Variants in ZFPM2 observed in about 807,000 individuals in gnomAD.
The protein encoded by ZFPM2 is zinc finger protein, FOG family member 2.
A neutral mutation model predicts 98.6 loss-of-function variants in ZFPM2; 20 were observed. The observed-to-expected ratio is 0.20, with a 90% CI of 0.14 to 0.29. The LOEUF (loss-of-function observed/expected upper bound fraction) is 0.29, where lower values mean the gene tolerates loss of function less well. Ranked by LOEUF, ZFPM2 falls within the 10% of genes least tolerant of loss-of-function variation. The pLI is 1.00. For missense variants in ZFPM2, 1,310 were observed against 1,388.6 expected (o/e 0.94, Z 0.90); for synonymous variants, 518 against 502.7 (o/e 1.03, Z -0.41).
At chr8:105,501,118 T>G (rs1813584905) in intron 3 of ZFPM2, among the ~76,000 whole-genome samples, 1 of 152,174 alleles carries the variant, frequency 6.6e-6, no homozygotes, top group Non-Finnish European at 1.5e-5. Flanking sequence ...CCTATTTCTT[T>G]TGAAAGGTGT....
At chr8:105,690,586 G>C (rs1810854812) in intron 5 of ZFPM2, among the ~76,000 whole-genome samples, 1 of 152,088 alleles carries the variant, frequency 6.6e-6, no homozygotes, top group Non-Finnish European at 1.5e-5. Context: ...TCCTTTGGTG[G>C]CAGCTCAGGT....
chr8:105,686,247 T>G (rs1372750451), intron 5 of ZFPM2, among the ~76,000 whole-genome samples: 1 of 152,152 alleles, frequency 6.6e-6, no homozygotes, highest in Non-Finnish European at 1.5e-5. Context: ...TGAAATCCAT[T>G]TCAGTTCCTA....
intron 5 of ZFPM2, among the ~76,000 whole-genome samples, chr8:105,786,627 A>T (rs1813423305): frequency 6.6e-6 from 1 of 152,226 alleles, no homozygotes; most frequent in Non-Finnish European, 1.5e-5. Flanking sequence ...GAAAACAAAT[A>T]TATATTACAA....
At chr8:105,565,005 C>T (rs1586466477) in intron 4 of ZFPM2, among the ~76,000 whole-genome samples, 1 of 152,050 alleles carries the variant, frequency 6.6e-6, no homozygotes, top group Non-Finnish European at 1.5e-5. Flanking sequence ...TTTGGATTAG[C>T]GCACTCTCTT....
At chr8:105,608,806 G>T (rs1423415064) in intron 4 of ZFPM2, among the ~76,000 whole-genome samples, 1 of 152,032 alleles carries the variant, frequency 6.6e-6, no homozygotes, top group Non-Finnish European at 1.5e-5. Flanking sequence ...AGAGTCATTT[G>T]CTAGTGGTGC....
At chr8:105,715,321 G>T (rs1401297209) in intron 5 of ZFPM2, among the ~76,000 whole-genome samples, 1 of 149,966 alleles carries the variant, frequency 6.7e-6, no homozygotes, top group Non-Finnish European at 1.5e-5. Context: ...GATCGCTTAA[G>T]CCCAGAAGTT....
At chr8:105,687,428 C>G (rs1014962401) in intron 5 of ZFPM2, among the ~76,000 whole-genome samples, 1 of 152,014 alleles carries the variant, frequency 6.6e-6, no homozygotes, top group Non-Finnish European at 1.5e-5. Context: ...TATATTTATT[C>G]AAAGAAATCA....
At chr8:105,776,974 T>C (rs987000683) in intron 5 of ZFPM2, among the ~76,000 whole-genome samples, 1 of 152,220 alleles carries the variant, frequency 6.6e-6, no homozygotes, top group Non-Finnish European at 1.5e-5. Context: ...AGCATCTCTA[T>C]CCATTTATCT....
At chr8:105,708,786 T>C (rs1158645788) in intron 5 of ZFPM2, among the ~76,000 whole-genome samples, 1 of 152,090 alleles carries the variant, frequency 6.6e-6, no homozygotes, top group Non-Finnish European at 1.5e-5. Context: ...TTTACAGATA[T>C]AGAAACATTG....
At chr8:105,501,117 T>C (rs1813584839) in intron 3 of ZFPM2, among the ~76,000 whole-genome samples, 1 of 152,188 alleles carries the variant, frequency 6.6e-6, no homozygotes, top group African/African-American at 2.4e-5. Context: ...TCCTATTTCT[T>C]TTGAAAGGTG....
chr8:105,731,044 C>T (rs1400147938), intron 5 of ZFPM2, among the ~76,000 whole-genome samples: 1 of 151,542 alleles, frequency 6.6e-6, no homozygotes, highest in African/African-American at 2.4e-5. Context: ...GATATGAACA[C>T]TGAGAGAGCA....
intron 4 of ZFPM2, among the ~76,000 whole-genome samples, chr8:105,595,048 G>A (rs1309380560): frequency 2.6e-5 from 4 of 152,100 alleles, no homozygotes; most frequent in Non-Finnish European, 1.5e-5. Context: ...GAAAGAATAT[G>A]GGGGAGTTTA....
chr8:105,393,321 C>CT lies in ZFPM2; in HGVS notation c.41-25823_41-25822insT, dbSNP rs1563637726. Among the ~76,000 whole-genome samples the CT allele has an allele frequency of 2.1e-3, 250 of 121,128 alleles. 2 individuals carry two copies. The highest frequency in any genetic ancestry group is 8.2e-3 in the African/African-American group (240 of 29,098). The allele number at this position is 121,128 out of a possible 152,430, so 79.5% of individuals were successfully genotyped here. A position where few individuals can be genotyped will look rare whatever the true frequency, so the allele number is the denominator to read the frequency against. The stretch of plus-strand genomic sequence containing the variant: ...TCTTCCTTCCTTCCTTTCTTCCTTC[C>CT]CTCTCTCTCTCTTTGCCTTTCTTTC... On this transcript the variant is annotated intron_variant, in intron 1 of 7. Transcript: ENST00000407775.
intron 4 of ZFPM2, among the ~76,000 whole-genome samples, chr8:105,617,020 G>GGAAAAAAAA (rs1816431048): frequency 2.1e-4 from 6 of 28,136 alleles, no homozygotes; most frequent in African/African-American, 7.5e-4. Context: ...ACTCTGTCTC[G>GGAAAAAAAA]AAAAAAAAAA....
chr8:105,712,994 G>A (rs932111553), intron 5 of ZFPM2, among the ~76,000 whole-genome samples: 18 of 151,910 alleles, frequency 1.2e-4, no homozygotes, highest in African/African-American at 4.3e-4. Flanking sequence ...GGCAATAAAC[G>A]TATGAGTGCA....
intron 1 of ZFPM2, among the ~76,000 whole-genome samples, chr8:105,350,003 T>G (rs2129705706): frequency 6.6e-6 from 1 of 152,304 alleles, no homozygotes; most frequent in East Asian, 1.9e-4. Context: ...ATGACTCAAT[T>G]AGTGCAATAG....
At chr8:105,758,976 G>A (rs1225942582) in intron 5 of ZFPM2, among the ~76,000 whole-genome samples, 2 of 152,060 alleles carry the variant, frequency 1.3e-5, no homozygotes, top group African/African-American at 4.8e-5. Flanking sequence ...ATTTTAATAT[G>A]CCATTTGATA....
chr8:105,630,533 A>T (rs1274771699), intron 4 of ZFPM2, among the ~76,000 whole-genome samples: 3 of 152,192 alleles, frequency 2.0e-5, no homozygotes, highest in East Asian at 3.9e-4. Context: ...CTTCTGCCTT[A>T]TTGATTTGGA....
chr8:105,767,441 T>A lies in ZFPM2; in HGVS notation c.533-21277T>A, dbSNP rs368049415. 3.3e-5 allele frequency among the ~76,000 whole-genome samples: 5 copies of A among 152,010 alleles called. No homozygotes were observed. The East Asian group carries it at 9.7e-4, about 29-fold the overall frequency. ...ATTAAAATACAATCTATAATTACAT[T>A]ACACTGGTATCAGGTAAGGATAAAA... On this transcript the variant is annotated intron_variant, in intron 5 of 7. Transcript: ENST00000407775.
Sources: allele counts gnomAD v4.1 joint callset (sites outside exome capture counted in the v4.1 genomes callset), GRCh38; gene constraint gnomAD v4.1.1; transcripts MANE v1.5; gene names NCBI Gene and HGNC (gene_info 2026-07-23, HGNC 2026-07-21).